Variants in SFRP4 observed in about 807,000 individuals in gnomAD.
SFRP4 encodes secreted frizzled-related protein 4.
Under a neutral mutation model 36.3 loss-of-function variants are expected in SFRP4, and 25 were observed. The observed-to-expected ratio is 0.69, with a 90% CI of 0.50 to 0.96. The LOEUF is 0.96. Among genes scored for constraint, SFRP4 ranks in the 40% least tolerant of loss-of-function variants. The pLI is 0.00. For synonymous variants in SFRP4, 182 were observed against 168.8 expected, an observed-to-expected ratio of 1.08 and a Z score of -0.60; for missense variants, 487 against 459.6, an observed-to-expected ratio of 1.06 and a Z score of -0.54.
intron 1 of SFRP4, among the ~76,000 whole-genome samples, chr7:37,915,338 A>G (rs1785556615): frequency 6.6e-6 from 1 of 152,232 alleles, no homozygotes; most frequent in African/African-American, 2.4e-5. Context: ...GCTCTGGGGT[A>G]TAACTTCAGA....
rs543847963 is a variant in SFRP4 at position 37,906,671 on chromosome 7, A to G, written c.*808T>C. On this transcript the variant is annotated 3_prime_UTR_variant, in exon 6 of 6. Transcript: ENST00000436072. ...GTATAAAATACTTGAGCATTAGCCA[A>G]CTAATTAGTACCTAACTCCTAATGG... 5 of 152,308 alleles carry G rather than the reference A, an allele frequency of 3.3e-5. No individual in the cohort carries two copies. The highest frequency in any genetic ancestry group is 7.4e-5 in the Non-Finnish European group (5 of 68,010). The allele number at this position is 152,308 out of a possible 1,614,324, so 9.4% of individuals were successfully genotyped here.
intron 3 of SFRP4, among the ~76,000 whole-genome samples, chr7:37,912,674 T>C (rs1785514343): frequency 6.6e-6 from 1 of 152,234 alleles, no homozygotes; most frequent in Admixed American, 6.5e-5. Flanking sequence ...AGATCAGAAG[T>C]CATCTTAAGG....
rs780576683 is a variant in SFRP4, at chr7:37,907,471, T to C, written c.*8A>G. 1.9e-6 allele frequency: 3 copies of C among 1,609,226 alleles called. No homozygotes were observed. In the East Asian group the frequency reaches 6.7e-5, roughly 36 times the overall value. ...AGTCGGAAGTCTCCGCTTTGGAAAC[T>C]AGTTAGCTCACACTCTTTTCGGGTT... On this transcript the variant is annotated 3_prime_UTR_variant, in exon 6 of 6. Coordinates refer to ENST00000436072, the MANE Select transcript of SFRP4 (RefSeq NM_003014.4).
At chr7:37,911,658 T>C (rs1055248161) in intron 4 of SFRP4, among the ~76,000 whole-genome samples, 8 of 152,152 alleles carry the variant, frequency 5.3e-5, no homozygotes, top group African/African-American at 1.9e-4. Flanking sequence ...AAAGTGTGTG[T>C]GTGTGCATGC....
At position 37,916,309 on chromosome 7, in the gene SFRP4, G is replaced by A. The variant is rs1785575085; in HGVS notation, c.229C>T (p.Leu77Phe). 1.2e-6 allele frequency: 2 copies of A among 1,614,222 alleles called. No homozygotes were observed. The highest frequency in any genetic ancestry group is 1.7e-6 in the Non-Finnish European group (2 of 1,180,044). ...CAAATGGGCGCGTACATGGCACAGA[G>A]GAAGAAGCGCAGCACGGCGCTGCAG... ...VNCSAVLRFF[L>F]CAMYAPICTL... is the part of the protein sequence containing the mutation. Residue 77 changes from leucine to phenylalanine, a missense_variant, in exon 1 of 6, where the codon CTC becomes TTC. By Grantham distance (22) the Leu-to-Phe change is conservative. Coordinates refer to ENST00000436072, the MANE Select transcript of SFRP4 (RefSeq NM_003014.4). This position sits in a 1 kb window ranked among gnomAD's most constrained non-coding sequence, Gnocchi z 4.1.
chr7:37,911,989 C>A, intron 4 of SFRP4, 130 bp downstream of exon 4: 1 of 591,174 alleles, frequency 1.7e-6, no homozygotes, highest in Non-Finnish European at 2.9e-6. Context: ...CAAACAGAGG[C>A]ATCTGTTAAA....
Position 37,916,471 on chromosome 7 carries a change from G to C in SFRP4, c.67C>G (p.Pro23Ala), listed in dbSNP as rs1478763521. The change falls in exon 1 of 6, where the codon CCC (proline) becomes GCC (alanine). Residue 23 changes from proline (P) to alanine (A), a missense_variant. Coordinates refer to ENST00000436072, the MANE Select transcript of SFRP4 (RefSeq NM_003014.4). This position sits in a 1 kb window ranked among gnomAD's most constrained non-coding sequence, Gnocchi z 4.1. Reference sequence around the variant, plus strand: ...ATAGGGATGCGCACCGCCTCGCAGGGCGCGCCGCGCACGCCCAGCGCCAGG... The same window carrying C: ...ATAGGGATGCGCACCGCCTCGCAGGCCGCGCCGCGCACGCCCAGCGCCAGG... The part of the protein sequence containing the change: ...LHLALGVRGA[P>A]CEAVRIPMCR... The C allele has an allele frequency of 6.2e-7, 1 of 1,613,170 alleles. No homozygotes were observed. The highest frequency in any genetic ancestry group is 2.2e-5 in the East Asian group (1 of 44,844).
rs564006733 is a variant in SFRP4, at chr7:37,908,851, T to A, written c.855+766A>T. Among the ~76,000 whole-genome samples the A allele has an allele frequency of 5.9e-5, 9 of 152,332 alleles. No individual in the cohort carries two copies. The East Asian group carries it at 1.7e-3, about 29-fold the overall frequency. On this transcript the variant is annotated intron_variant, in intron 5 of 5. Coordinates refer to ENST00000436072, the MANE Select transcript of SFRP4 (RefSeq NM_003014.4). Reference sequence around the variant, plus strand: ...TAGCGGAGGCTGTGTTCTAACTACATTCTCCATAACTCAATTGTTAATATG... The same window carrying A: ...TAGCGGAGGCTGTGTTCTAACTACAATCTCCATAACTCAATTGTTAATATG...
chr7:37,914,241 T>G lies in SFRP4; in HGVS notation c.564A>C (p.Ala188=). The part of the protein sequence containing the change: ...CKCKKVKPTL[A]TYLSKNYSYV... ...AGCTGTAGTTTTTGCTGAGATACGT[T>G]GCCAAAGTTGGCTTCACCTTTTTAC... The change falls in exon 3 of 6, where the codon GCA becomes GCC. Residue 188 remains alanine, a synonymous_variant. Coordinates refer to ENST00000436072, the MANE Select transcript of SFRP4 (RefSeq NM_003014.4). 1 of 1,614,206 alleles carries G rather than the reference T, an allele frequency of 6.2e-7. No individual in the cohort carries two copies. The highest frequency in any genetic ancestry group is 8.5e-7 in the Non-Finnish European group (1 of 1,180,022).
chr7:37,912,166 G>A lies in SFRP4; in HGVS notation c.744C>T (p.Ile248=), dbSNP rs1583654606. Reference sequence around the variant, plus strand: ...TGATGAGAACATCTTGATGGGGCAGGATGTGTGGACACTGGCAAGAAGAAT... The same window carrying A: ...TGATGAGAACATCTTGATGGGGCAGAATGTGTGGACACTGGCAAGAAGAAT... The part of the protein sequence containing the change: ...ITNSSCQCPH[I]LPHQDVLIMC... The change falls in exon 4 of 6, where the codon ATC becomes ATT. Residue 248 remains isoleucine, a synonymous_variant. Coordinates refer to ENST00000436072, the MANE Select transcript of SFRP4 (RefSeq NM_003014.4). 6.2e-7 allele frequency: 1 copy of A among 1,614,170 alleles called. No individual in the cohort carries two copies. Among genetic ancestry groups the A allele is most frequent in the Non-Finnish European group, 8.5e-7 (1 of 1,180,012 alleles).
intron 1 of SFRP4, 67 bp from the exon 2 acceptor site, chr7:37,914,520 G>A: frequency 9.1e-7 from 1 of 1,104,684 alleles, no homozygotes; most frequent in Non-Finnish European, 1.4e-6. Flanking sequence ...CTGGTATAAA[G>A]AGCCCTCTGA....
rs908854537 is a variant in SFRP4, at chr7:37,907,280, C to T, written c.*199G>A. The T allele has an allele frequency of 5.9e-6, 3 of 507,192 alleles. No individual in the cohort carries two copies. The highest frequency in any genetic ancestry group is 1.9e-5 in the African/African-American group (1 of 51,890). 31.4% of individuals were successfully genotyped at this position (507,192 alleles called of 1,614,324 possible). ...TCACCTTCTGTACCAAAGGGCAAAC[C>T]TACCACTATGGCTTGTGATGGCTTA... On this transcript the variant is annotated 3_prime_UTR_variant, in exon 6 of 6. Transcript: ENST00000436072.
chr7:37,911,392 T>A (rs74665850), intron 4 of SFRP4, among the ~76,000 whole-genome samples: 79 of 152,286 alleles, frequency 5.2e-4, no homozygotes, highest in African/African-American at 1.5e-3. Context: ...ACTGAGTGAT[T>A]TTGCTGGAGA....
intron 1 of SFRP4, 101 bp from the exon 2 acceptor site, chr7:37,914,554 C>T: frequency 2.3e-6 from 2 of 857,732 alleles, no homozygotes. Flanking sequence ...AACAGTATCT[C>T]AAAATAATAG....
In SFRP4 at chr7:37,916,333, A is replaced by G; in HGVS notation, c.205T>C (p.Cys69Arg). The change falls in exon 1 of 6, where the codon TGC (cysteine) becomes CGC (arginine). Residue 69 changes from cysteine (C) to arginine (R), a missense_variant. Physicochemically the swap from Cys to Arg is radical, Grantham distance 180. Transcript: ENST00000436072. This position sits in a 1 kb window ranked among gnomAD's most constrained non-coding sequence, Gnocchi z 4.1. ...EQYEELVDVN[C>R]SAVLRFFLCA... ...AGGAAGAAGCGCAGCACGGCGCTGC[A>G]GTTCACGTCCACCAGCTCCTCGTAC... is the stretch of plus-strand genomic sequence containing the variant. 1 of 1,614,218 alleles carries G rather than the reference A, an allele frequency of 6.2e-7. No individual in the cohort carries two copies. The highest frequency in any genetic ancestry group is 1.3e-5 in the African/African-American group (1 of 75,070).
rs919355801 is a variant in SFRP4, at chr7:37,916,808, G to T, written c.-271C>A. 9 of 539,644 alleles carry T rather than the reference G, an allele frequency of 1.7e-5. No individual in the cohort carries two copies. Among genetic ancestry groups the T allele is most frequent in the Non-Finnish European group, 2.6e-5 (8 of 304,894 alleles). 33.4% of individuals were successfully genotyped at this position (539,644 alleles called of 1,614,324 possible). A position where few individuals can be genotyped will look rare whatever the true frequency, so the allele number is the denominator to read the frequency against. On this transcript the variant is annotated 5_prime_UTR_variant, in exon 1 of 6. Coordinates refer to ENST00000436072, the MANE Select transcript of SFRP4 (RefSeq NM_003014.4). This position sits in a 1 kb window ranked among gnomAD's most constrained non-coding sequence, Gnocchi z 4.1. ...CTCCAGTCCCGGACTCCGCAGCTCGGAGCGCAGCCAGCCACGGCCATTGCG... is the reference window on the plus strand; with the variant it reads ...CTCCAGTCCCGGACTCCGCAGCTCGTAGCGCAGCCAGCCACGGCCATTGCG...
In SFRP4 at chr7:37,916,054, GC is replaced by G; in HGVS notation, c.445+38del. On this transcript the variant is annotated intron_variant, in intron 1 of 5. Coordinates refer to ENST00000436072, the MANE Select transcript of SFRP4 (RefSeq NM_003014.4). This position sits in a 1 kb window ranked among gnomAD's most constrained non-coding sequence, Gnocchi z 4.1. ...TCTCGATTGGCAGCCACAGCCCCGG[GC>G]GCCTCCTCGCCTCCCTCCATCCTTC... 1.9e-6 allele frequency: 3 copies of G among 1,578,068 alleles called. No homozygotes were observed. The highest frequency in any genetic ancestry group is 2.6e-6 in the Non-Finnish European group (3 of 1,159,548).
At chr7:37,914,587 A>C in intron 1 of SFRP4, 134 bp from the exon 2 acceptor site, 1 of 725,702 alleles carries the variant, frequency 1.4e-6, no homozygotes, top group Non-Finnish European at 2.4e-6. Context: ...AAAATGGGCC[A>C]GGCGAAGTGG....
At position 37,916,539 on chromosome 7, in the gene SFRP4, G is replaced by C; in HGVS notation, c.-2C>G. On this transcript the variant is annotated 5_prime_UTR_variant, in exon 1 of 6. Coordinates refer to ENST00000436072, the MANE Select transcript of SFRP4 (RefSeq NM_003014.4). The surrounding 1 kb of genome is among the most constrained non-coding windows in gnomAD (Gnocchi z 4.1). Reference sequence around the variant, plus strand: ...CGCCACTAGGATGGAGAGGAACATGGCACTGCCCTCTCGCGCTGCGACCCC... The same window carrying C: ...CGCCACTAGGATGGAGAGGAACATGCCACTGCCCTCTCGCGCTGCGACCCC... 6.2e-7 allele frequency: 1 copy of C among 1,601,960 alleles called. No homozygotes were observed. Among genetic ancestry groups the C allele is most frequent in the South Asian group, 1.1e-5 (1 of 90,922 alleles).
Sources: gnomAD v4.1 joint callset for allele counts (sites outside exome capture counted in the v4.1 genomes callset) on GRCh38, gnomAD v4.1.1 for gene constraint, Gnocchi (gnomAD v3.1) non-coding constraint, MANE v1.5 for transcripts, NCBI Gene and HGNC (gene_info 2026-07-23, HGNC 2026-07-21) for gene names.